Variants in PPARGC1A observed in about 807,000 individuals in gnomAD.
The protein encoded by PPARGC1A is PPARG coactivator 1 alpha, also known as peroxisome proliferator-activated receptor gamma coactivator 1-alpha.
Under a neutral mutation model 88.7 loss-of-function variants are expected in PPARGC1A, and 25 were observed. That is an observed-to-expected ratio of 0.28 (90% CI 0.21 to 0.39). The LOEUF is 0.39. Among genes scored for constraint, PPARGC1A ranks in the 10% least tolerant of loss-of-function variants. The pLI, the probability that PPARGC1A is intolerant of heterozygous loss-of-function variation, is 1.00. For synonymous variants in PPARGC1A, 363 were observed against 355.6 expected (o/e 1.02, Z -0.24); for missense variants, 880 against 968.7 (o/e 0.91, Z 1.22).
At chr4:23,969,820 G>A in the PPARGC1A span, among the ~76,000 whole-genome samples, 6 of 152,098 alleles carry the variant, frequency 3.9e-5, no homozygotes, top group South Asian at 2.1e-4. Context: ...GGGCAGCATC[G>A]AAACATGGAT....
the PPARGC1A span, among the ~76,000 whole-genome samples, chr4:23,951,597 G>A: frequency 6.6e-6 from 1 of 152,080 alleles, no homozygotes; most frequent in Admixed American, 6.6e-5. Flanking sequence ...CCCAAATGAG[G>A]AACAGCAGGA....
the PPARGC1A span, among the ~76,000 whole-genome samples, chr4:24,320,788 T>C: frequency 1.3e-5 from 2 of 152,182 alleles, no homozygotes; most frequent in African/African-American, 2.4e-5. Context: ...GAGAAACATA[T>C]ACAGAACACC....
the PPARGC1A span, among the ~76,000 whole-genome samples, chr4:23,941,081 C>T: frequency 6.6e-6 from 1 of 152,096 alleles, no homozygotes; most frequent in Non-Finnish European, 1.5e-5. Context: ...GACAGGGTCT[C>T]ACTCTGTCAC....
At chr4:23,826,769 A>G (rs1577412424) in intron 5 of PPARGC1A, among the ~76,000 whole-genome samples, 1 of 152,254 alleles carries the variant, frequency 6.6e-6, no homozygotes, top group South Asian at 2.1e-4. Flanking sequence ...CTTGCCACAG[A>G]TATATACCAA....
chr4:24,126,086 G>A, the PPARGC1A span, among the ~76,000 whole-genome samples: 1 of 152,154 alleles, frequency 6.6e-6, no homozygotes, highest in Non-Finnish European at 1.5e-5. Flanking sequence ...AGAGTAAAGT[G>A]ACTTGCCCAG....
the PPARGC1A span, among the ~76,000 whole-genome samples, chr4:23,912,061 A>G: frequency 6.6e-6 from 1 of 152,370 alleles, no homozygotes; most frequent in Admixed American, 6.5e-5. Flanking sequence ...AAGATATCCA[A>G]TATGAGAAAT....
chr4:23,902,953 T>C (rs1020682809), upstream of PPARGC1A, among the ~76,000 whole-genome samples: 6 of 152,366 alleles, frequency 3.9e-5, no homozygotes, highest in South Asian at 4.1e-4. Context: ...GGATTTCACA[T>C]AGGTGCCTTC....
At chr4:24,086,011 G>T in the PPARGC1A span, among the ~76,000 whole-genome samples, 1 of 152,110 alleles carries the variant, frequency 6.6e-6, no homozygotes, top group South Asian at 2.1e-4. Flanking sequence ...TAAGCTCTGT[G>T]TTTGTTAACT....
chr4:24,073,178 A>G, the PPARGC1A span, among the ~76,000 whole-genome samples: 1 of 152,140 alleles, frequency 6.6e-6, no homozygotes, highest in South Asian at 2.1e-4. Flanking sequence ...AGTAGCTGGG[A>G]CTACAGGCAC....
the PPARGC1A span, among the ~76,000 whole-genome samples, chr4:24,243,533 A>G: frequency 6.6e-5 from 10 of 152,246 alleles, no homozygotes; most frequent in Admixed American, 5.2e-4. Flanking sequence ...TAAGGAAAAG[A>G]GACCTGCAGA....
At chr4:23,951,013 A>G in the PPARGC1A span, among the ~76,000 whole-genome samples, 1 of 152,156 alleles carries the variant, frequency 6.6e-6, no homozygotes, top group African/African-American at 2.4e-5. Context: ...GGGAAATGCA[A>G]TTTTTGCAAT....
At chr4:24,433,416 T>C in the PPARGC1A span, among the ~76,000 whole-genome samples, 1 of 152,202 alleles carries the variant, frequency 6.6e-6, no homozygotes, top group Non-Finnish European at 1.5e-5. Flanking sequence ...GTTTACTTCA[T>C]GAAATAGGTT....
chr4:23,839,492 G>A (rs953888924), intron 2 of PPARGC1A, among the ~76,000 whole-genome samples: 2 of 152,126 alleles, frequency 1.3e-5, no homozygotes, highest in African/African-American at 4.8e-5. Context: ...ACTGGGCACT[G>A]TGGGAAGAAG....
At chr4:24,080,343 GATT>G in the PPARGC1A span, among the ~76,000 whole-genome samples, 1 of 151,712 alleles carries the variant, frequency 6.6e-6, no homozygotes, top group African/African-American at 2.4e-5. Flanking sequence ...GTTTCTAAAT[GATT>G]ATAACCATTA....
the PPARGC1A span, among the ~76,000 whole-genome samples, chr4:24,241,013 A>G: frequency 6.6e-6 from 1 of 152,220 alleles, no homozygotes; most frequent in East Asian, 1.9e-4. Context: ...AGGAAGACAG[A>G]GAAAGCAAAC....
chr4:23,818,766 T>C (rs1722430726), intron 7 of PPARGC1A, among the ~76,000 whole-genome samples: 1 of 151,894 alleles, frequency 6.6e-6, no homozygotes, highest in African/African-American at 2.4e-5. Context: ...GGTTTGTTTG[T>C]TTAATTGAAT....
the PPARGC1A span, among the ~76,000 whole-genome samples, chr4:23,944,825 G>C: frequency 6.6e-6 from 1 of 152,148 alleles, no homozygotes; most frequent in Non-Finnish European, 1.5e-5. Context: ...TGCCATGACT[G>C]TAAGTTTCCT....
the PPARGC1A span, among the ~76,000 whole-genome samples, chr4:23,964,352 T>G: frequency 6.6e-6 from 1 of 152,166 alleles, no homozygotes; most frequent in African/African-American, 2.4e-5. Context: ...AGGTCATAGA[T>G]TAGAAATGGA....
chr4:24,239,700 A>G, the PPARGC1A span, among the ~76,000 whole-genome samples: 3 of 151,668 alleles, frequency 2.0e-5, no homozygotes, highest in Non-Finnish European at 4.4e-5. Context: ...TTTTGGGTAG[A>G]AAAAAAAAGT....
Sources: gnomAD v4.1 joint callset for allele counts (sites outside exome capture counted in the v4.1 genomes callset) on GRCh38, gnomAD v4.1.1 for gene constraint, MANE v1.5 for transcripts, NCBI Gene and HGNC (gene_info 2026-07-23, HGNC 2026-07-21) for gene names.